The following A2M variants were observed in gnomAD, a reference collection of about 807,000 sequenced individuals.
A2M encodes the protein alpha-2-macroglobulin, also known as C3 and PZP-like alpha-2-macroglobulin domain-containing protein 5.
Under a neutral mutation model 183.9 loss-of-function variants are expected in A2M, and 128 were observed. The ratio of observed to expected loss-of-function variants is 0.70; its 90% CI spans 0.60 to 0.81. A2M has a LOEUF of 0.81. Among genes scored for constraint, A2M ranks in the 30% least tolerant of loss-of-function variants. The probability of loss-of-function intolerance (pLI) is 0.00; values close to 1 mark genes in which losing one functional copy is unlikely to be tolerated. For missense variants in A2M, 1,495 were observed against 1,787.6 expected (o/e 0.84, Z 2.95); for synonymous variants, 592 against 670.8 (o/e 0.88, Z 1.81).
intron 22 of A2M, among the ~76,000 whole-genome samples, chr12:9,085,528 C>T (rs1336181990): frequency 6.6e-6 from 1 of 151,920 alleles, no homozygotes; most frequent in East Asian, 1.9e-4. Flanking sequence ...AAGAGGAAAG[C>T]TTATAACAAT....
intron 21 of A2M, 112 bp from the exon 22 acceptor site, chr12:9,089,363 T>C: frequency 1.3e-6 from 1 of 797,380 alleles, no homozygotes; most frequent in Non-Finnish European, 2.1e-6. Context: ...TGAACTGTAT[T>C]ATCTAAGAAA....
At chr12:9,109,585 A>T (rs1407464686) in intron 6 of A2M, among the ~76,000 whole-genome samples, 180 bp from the exon 7 acceptor site, 1 of 152,222 alleles carries the variant, frequency 6.6e-6, no homozygotes, top group Non-Finnish European at 1.5e-5. Flanking sequence ...AGGGACTATG[A>T]GAGATCACTG....
At chr12:9,106,913 C>A (rs1938337263) in intron 8 of A2M, among the ~76,000 whole-genome samples, 1 of 151,944 alleles carries the variant, frequency 6.6e-6, no homozygotes, top group Non-Finnish European at 1.5e-5. Flanking sequence ...TTATGGGGTA[C>A]ACGAGATATT....
At chr12:9,077,639 C>G in intron 26 of A2M, 62 bp downstream of exon 26, 24 of 1,586,986 alleles carry the variant, frequency 1.5e-5, no homozygotes, top group Non-Finnish European at 2.1e-5. Context: ...ATTATCACTT[C>G]CTATCCTCAT....
At chr12:9,113,334 A>G (rs1193784089) in intron 2 of A2M, 26 bp downstream of exon 2, 1 of 1,610,174 alleles carries the variant, frequency 6.2e-7, no homozygotes, top group Non-Finnish European at 8.5e-7. Flanking sequence ...AGAACCAAGT[A>G]TATTAAGTCA....
At chr12:9,068,916 C>T (rs1948477258) in intron 33 of A2M, 74 bp from the exon 34 acceptor site, 18 of 1,107,094 alleles carry the variant, frequency 1.6e-5, no homozygotes, top group African/African-American at 3.2e-5. Flanking sequence ...AAGTATTCAC[C>T]TGTTTTTTGG....
intron 22 of A2M, 33 bp from the exon 23 acceptor site, chr12:9,080,210 T>G: frequency 3.5e-6 from 5 of 1,412,424 alleles, no homozygotes; most frequent in Non-Finnish European, 4.9e-6. Flanking sequence ...CATATGAAAA[T>G]TATTTCTGCA....
chr12:9,087,502 G>A (rs1315553886), intron 22 of A2M, among the ~76,000 whole-genome samples: 1 of 152,132 alleles, frequency 6.6e-6, no homozygotes, highest in East Asian at 1.9e-4. Flanking sequence ...TATGGAGGAT[G>A]AAGCTGGAGT....
intron 18 of A2M, among the ~76,000 whole-genome samples, chr12:9,092,227 C>A (rs1260348157): frequency 1.3e-5 from 2 of 152,102 alleles, no homozygotes; most frequent in South Asian, 2.1e-4. Flanking sequence ...TCTGAACATA[C>A]CCCTGGGAAT....
intron 14 of A2M, 93 bp downstream of exon 14, chr12:9,099,288 T>C: frequency 1.6e-6 from 2 of 1,227,074 alleles, no homozygotes; most frequent in Non-Finnish European, 2.3e-6. Context: ...TGTTTAACCC[T>C]TTTGGCCCTA....
intron 22 of A2M, among the ~76,000 whole-genome samples, chr12:9,088,029 C>T (rs769464694): frequency 6.6e-5 from 10 of 151,882 alleles, no homozygotes; most frequent in African/African-American, 2.4e-4. Context: ...AAAAGCAATT[C>T]CAAGGAAAGA....
At chr12:9,102,855 G>A (rs1385215108) in intron 11 of A2M, among the ~76,000 whole-genome samples, 1 of 152,072 alleles carries the variant, frequency 6.6e-6, no homozygotes, top group Non-Finnish European at 1.5e-5. Context: ...TTAGAGGGAG[G>A]TGCTTTTATG....
intron 15 of A2M, among the ~76,000 whole-genome samples, chr12:9,097,542 T>C (rs1949418237): frequency 6.6e-6 from 1 of 152,140 alleles, no homozygotes. Flanking sequence ...TAGTTCAATT[T>C]CCCTAAGTTT....
intron 20 of A2M, 76 bp downstream of exon 20, chr12:9,090,280 T>C (rs929702119): frequency 1.8e-5 from 28 of 1,597,314 alleles, no homozygotes; most frequent in East Asian, 1.3e-4. Flanking sequence ...CTGAAGGAAG[T>C]AGCACTCAAT....
chr12:9,074,305 G>C (rs913271228), intron 29 of A2M, among the ~76,000 whole-genome samples: 2 of 152,140 alleles, frequency 1.3e-5, no homozygotes, highest in African/African-American at 4.8e-5. Context: ...TGCTGCTTGA[G>C]GAAGGCAGTG....
intron 18 of A2M, among the ~76,000 whole-genome samples, chr12:9,093,183 C>T (rs226407): frequency 0.25 from 37,319 of 152,000 alleles, 6,507 homozygotes; most frequent in African/African-American, 0.5. Context: ...ATGAGGACTG[C>T]AGTTGATAAT....
chr12:9,109,497 A>T (rs1938563607), intron 6 of A2M, 92 bp from the exon 7 acceptor site: 1 of 933,810 alleles, frequency 1.1e-6, no homozygotes, highest in Non-Finnish European at 1.7e-6. Context: ...CCCTAATAAT[A>T]TTTTAGGGCT....
In A2M at chr12:9,095,752, T is replaced by G. The variant is rs1217761372; in HGVS notation, c.1852-52A>C. The stretch of plus-strand genomic sequence containing the variant: ...CAAACTTATTTGTGACTTTTTTTTT[T>G]TTTTTTTTTTTTTTTTTTGAGACGG... On this transcript the variant is annotated intron_variant, in intron 15 of 35. Coordinates refer to ENST00000318602, the MANE Select transcript of A2M (RefSeq NM_000014.6). 1,549 of 1,414,146 alleles carry G rather than the reference T, an allele frequency of 1.1e-3. 16 individuals carry two copies. The South Asian group carries it at 0.012, about 11-fold the overall frequency. The allele number at this position is 1,414,146 out of a possible 1,614,324, so 87.6% of individuals were successfully genotyped here. A position where few individuals can be genotyped will look rare whatever the true frequency, so the allele number is the denominator to read the frequency against.
Position 9,072,399 on chromosome 12 carries a change from G to T in A2M, c.4063C>A (p.Pro1355Thr), listed in dbSNP as rs1948603443. Residue 1355 changes from proline (P) to threonine (T), a missense_variant, in exon 31 of 36, where the codon CCC becomes ACC. Physicochemically the swap from Pro to Thr is conservative, Grantham distance 38. Transcript: ENST00000318602. ...VQTLPQTCDE[P>T]KAHTSFQISL... ...ATTTGGAAGCTGGTGTGGGCTTTGG[G>T]TTCATCACAAGTTTGAGGCAGAGTC... 5.0e-6 allele frequency: 8 copies of T among 1,613,898 alleles called. No individual in the cohort carries two copies. In the East Asian group the frequency reaches 1.8e-4, roughly 36 times the overall value.
Sources: gnomAD v4.1 joint callset for allele counts (sites outside exome capture counted in the v4.1 genomes callset) on GRCh38, gnomAD v4.1.1 for gene constraint, MANE v1.5 for transcripts, NCBI Gene and HGNC (gene_info 2026-07-23, HGNC 2026-07-21) for gene names.